The following ZNF469 variants were observed in gnomAD, a reference collection of about 807,000 sequenced individuals.
ZNF469 encodes zinc finger protein 469.
Under a neutral mutation model 1.0 loss-of-function variants are expected in ZNF469, and 1 was observed. That is an observed-to-expected ratio of 1.00 (90% CI 0.35 to 4.73). ZNF469 has a LOEUF of 4.73. Among genes scored for constraint, ZNF469 ranks in the 30% most tolerant of loss-of-function variants. ZNF469 has a pLI of 0.16. For synonymous variants in ZNF469, 2,703 were observed against 2,363.4 expected (o/e 1.14, Z -4.17); for missense variants, 6,100 against 5,356.3 (o/e 1.14, Z -4.33).
At chr16:88,156,746 T>G in the ZNF469 span, among the ~76,000 whole-genome samples, 2 of 151,928 alleles carry the variant, frequency 1.3e-5, no homozygotes, top group Non-Finnish European at 2.9e-5. Flanking sequence ...TGGAGGGACT[T>G]GAGGTGCTGC....
chr16:88,293,417 A>T, the ZNF469 span, among the ~76,000 whole-genome samples: 1 of 152,038 alleles, frequency 6.6e-6, no homozygotes, highest in Non-Finnish European at 1.5e-5. Flanking sequence ...GGGTGGATGG[A>T]TGGATGGATG....
the ZNF469 span, among the ~76,000 whole-genome samples, chr16:88,370,518 A>G: frequency 6.6e-6 from 1 of 152,110 alleles, no homozygotes; most frequent in South Asian, 2.1e-4. Context: ...CTAAGGAATA[A>G]TATCTTGTCG....
chr16:88,392,433 C>G (rs1904518225), intron 1 of ZNF469, among the ~76,000 whole-genome samples: 1 of 152,256 alleles, frequency 6.6e-6, no homozygotes. Context: ...CTCCGGGAAG[C>G]CACACCCGAC....
the ZNF469 span, among the ~76,000 whole-genome samples, chr16:88,267,033 G>A: frequency 2.1e-4 from 32 of 152,308 alleles, no homozygotes; most frequent in East Asian, 1.7e-3. Flanking sequence ...GATTCCAGGC[G>A]CTCCGGGTGC....
chr16:88,380,326 TGCAC>T (rs2092517910), upstream of ZNF469, among the ~76,000 whole-genome samples: 1 of 78,632 alleles, frequency 1.3e-5, no homozygotes, highest in Non-Finnish European at 2.4e-5. Flanking sequence ...CACTCACACA[TGCAC>T]TCACACATGC....
chr16:88,304,465 C>T, the ZNF469 span, among the ~76,000 whole-genome samples: 4 of 152,304 alleles, frequency 2.6e-5, no homozygotes, highest in African/African-American at 7.2e-5. Flanking sequence ...TCTCCAAGAG[C>T]GGAGAGAGCT....
the ZNF469 span, among the ~76,000 whole-genome samples, chr16:88,229,877 G>A: frequency 6.3e-4 from 96 of 152,324 alleles, no homozygotes; most frequent in African/African-American, 2.1e-3. Flanking sequence ...AGCAGGTGCA[G>A]CAGGGCCGGT....
the ZNF469 span, among the ~76,000 whole-genome samples, chr16:88,319,507 C>T: frequency 2.6e-5 from 4 of 152,150 alleles, no homozygotes; most frequent in Admixed American, 6.5e-5. Context: ...CCTGCTGATG[C>T]GCCCGGGTCC....
the ZNF469 span, among the ~76,000 whole-genome samples, chr16:88,248,226 C>T: frequency 6.6e-6 from 1 of 152,148 alleles, no homozygotes; most frequent in Non-Finnish European, 1.5e-5. Flanking sequence ...AGCTTGCCTT[C>T]AACGTAGAAG....
the ZNF469 span, among the ~76,000 whole-genome samples, chr16:88,369,093 C>T: frequency 6.8e-6 from 1 of 147,252 alleles, no homozygotes; most frequent in Admixed American, 6.7e-5. Flanking sequence ...AAAAAAAAAG[C>T]CCTGGGCGGC....
At chr16:88,116,828 G>T in the ZNF469 span, among the ~76,000 whole-genome samples, 1 of 152,176 alleles carries the variant, frequency 6.6e-6, no homozygotes, top group African/African-American at 2.4e-5. Flanking sequence ...TGGGTCGGGG[G>T]AGTAGGGGCC....
In ZNF469 at chr16:88,430,285, C is replaced by T; in HGVS notation, c.2815C>T (p.Pro939Ser). ...TCTGGCCCCCACCGAGGCGGATGCG[C>T]CCAGCCAGGGCAGGCAGCAGAGGAG... ...LGLAPTEADAPSQGRQQRRGK... is the reference protein window; with the variant it reads ...LGLAPTEADASSQGRQQRRGK... Residue 939 changes from proline (P) to serine (S), a missense_variant, in exon 3 of 3, where the codon CCC (proline) becomes TCC (serine). Pro to Ser is a moderately conservative substitution (Grantham distance 74, BLOSUM62 -1). Transcript: ENST00000565624. 1 of 1,514,506 alleles carries T rather than the reference C, an allele frequency of 6.6e-7. No homozygotes were observed. Among genetic ancestry groups the T allele is most frequent in the Non-Finnish European group, 8.8e-7 (1 of 1,133,428 alleles). The allele number at this position is 1,514,506 out of a possible 1,614,324, so 93.8% of individuals were successfully genotyped here.
chr16:88,255,439 A>G, the ZNF469 span, among the ~76,000 whole-genome samples: 1 of 152,232 alleles, frequency 6.6e-6, no homozygotes, highest in East Asian at 1.9e-4. Flanking sequence ...TAATTTTTAG[A>G]GCAAAGTCTA....
the ZNF469 span, among the ~76,000 whole-genome samples, chr16:88,142,478 C>A: frequency 6.6e-6 from 1 of 152,190 alleles, no homozygotes; most frequent in Non-Finnish European, 1.5e-5. Context: ...TAAGCGGGTC[C>A]TTATCAACAG....
the ZNF469 span, among the ~76,000 whole-genome samples, chr16:88,343,751 G>A: frequency 1.9e-4 from 29 of 152,142 alleles, no homozygotes; most frequent in Non-Finnish European, 3.5e-4. Flanking sequence ...TCCATGAATG[G>A]ATTAATCCAT....
At chr16:88,178,315 C>A in the ZNF469 span, 1 of 152,146 alleles carries the variant, frequency 6.6e-6, no homozygotes, top group Non-Finnish European at 1.5e-5. Context: ...TGCTCCCTGA[C>A]GACCGGGAGG....
At chr16:88,130,739 TA>T in the ZNF469 span, among the ~76,000 whole-genome samples, 4 of 139,690 alleles carry the variant, frequency 2.9e-5, no homozygotes, top group Admixed American at 1.4e-4. Flanking sequence ...AGGCACCTAA[TA>T]AAAACGGCAG....
At chr16:88,156,538 C>A in the ZNF469 span, among the ~76,000 whole-genome samples, 1 of 152,184 alleles carries the variant, frequency 6.6e-6, no homozygotes, top group Non-Finnish European at 1.5e-5. Flanking sequence ...TCAATTGAAC[C>A]TACATGTGAG....
intron 1 of ZNF469, among the ~76,000 whole-genome samples, chr16:88,404,569 G>C (rs1427429484): frequency 6.6e-6 from 1 of 152,252 alleles, no homozygotes; most frequent in Non-Finnish European, 1.5e-5. Context: ...GGGTGGCAGG[G>C]GAAGAACTGG....
Sources: allele counts gnomAD v4.1 joint callset (sites outside exome capture counted in the v4.1 genomes callset), GRCh38; gene constraint gnomAD v4.1.1; transcripts MANE v1.5; gene names NCBI Gene and HGNC (gene_info 2026-07-23, HGNC 2026-07-21).